The following MEX3D variants were observed in gnomAD, a reference collection of about 807,000 sequenced individuals.
MEX3D encodes mex-3 RNA binding family member D.
MEX3D carries 4 observed loss-of-function variants against 6.3 expected under a neutral mutation model. That is an observed-to-expected ratio of 0.64 (90% confidence interval 0.31 to 1.46). The LOEUF (loss-of-function observed/expected upper bound fraction) is 1.46. Ranked by LOEUF, MEX3D falls within the 40% of genes most tolerant of loss-of-function variation. MEX3D has a pLI of 0.07. For missense variants in MEX3D, 1,038 were observed against 994.4 expected, an observed-to-expected ratio of 1.04 and a Z score of -0.59; for synonymous variants, 626 against 494.1, an observed-to-expected ratio of 1.27 and a Z score of -3.54.
rs1599330332 is a variant in MEX3D, at chr19:1,567,604, G to A, written c.455C>T (p.Pro152Leu). Residue 152 changes from proline to leucine, a missense_variant, in exon 1 of 2, where the codon CCC becomes CTC. Transcript: ENST00000402693. The surrounding 1 kb of genome is among the most constrained non-coding windows in gnomAD (Gnocchi z 6.5). ...CGGGGGCCCCAGGGCCGCGGGGTGGGGCGCGAAGCCCGCGAACACGTCGGG... is the reference window on the plus strand; with the variant it reads ...CGGGGGCCCCAGGGCCGCGGGGTGGAGCGCGAAGCCCGCGAACACGTCGGG... Reference protein sequence around the residue: ...SPPDVFAGFAPHPAALGPPTL... With the variant: ...SPPDVFAGFALHPAALGPPTL... 1.4e-6 allele frequency: 2 copies of A among 1,429,456 alleles called. No individual in the cohort carries two copies. The highest frequency in any genetic ancestry group is 3.0e-5 in the African/African-American group (2 of 66,514). 88.5% of individuals were successfully genotyped at this position (1,429,456 alleles called of 1,614,324 possible). A position where few individuals can be genotyped will look rare whatever the true frequency, so the allele number is the denominator to read the frequency against.
chr19:1,561,540 A>C (rs998639805), intron 1 of MEX3D, among the ~76,000 whole-genome samples: 2 of 151,472 alleles, frequency 1.3e-5, no homozygotes, highest in Non-Finnish European at 2.9e-5. Flanking sequence ...GGATGTCAAA[A>C]CCCCCTCCCA....
Position 1,555,431 on chromosome 19 carries a change from G to GGGCC in MEX3D, c.*131_*132insGGCC. 8.9e-6 allele frequency: 13 copies of GGGCC among 1,453,748 alleles called. No individual in the cohort carries two copies. The highest frequency in any genetic ancestry group is 1.8e-5 in the African/African-American group (1 of 56,994). The allele number at this position is 1,453,748 out of a possible 1,614,324, so 90.1% of individuals were successfully genotyped here. ...AGCTCATCTGTAAACACTGGCCGCCGCCCACCCCCCTGCCCCCTCGGCCTC... is the reference window on the plus strand; with the variant it reads ...AGCTCATCTGTAAACACTGGCCGCCGGGCCCCCACCCCCCTGCCCCCTCGGCCTC... On this transcript the variant is annotated 3_prime_UTR_variant, in exon 2 of 2. Coordinates refer to ENST00000402693, the MANE Select transcript of MEX3D (RefSeq NM_203304.4).
At chr19:1,557,276 G>A (rs759829149) in intron 1 of MEX3D, among the ~76,000 whole-genome samples, 2 of 152,118 alleles carry the variant, frequency 1.3e-5, no homozygotes, top group Non-Finnish European at 2.9e-5. Context: ...AATTTAATAC[G>A]TAGGGTCGGC....
Position 1,556,289 on chromosome 19 carries a change from G to C in MEX3D, c.1230C>G (p.Arg410=). ...CTGGGTCCGGCACGGAGGGGCCGCC[G>C]CGGCTGCCCGCGTAGAAGGCCTCGG... is the stretch of plus-strand genomic sequence containing the variant. ...SAPEAFYAGS[R]GGPSVPDPGP... Residue 410 remains arginine, a synonymous_variant, in exon 2 of 2, where the codon CGC becomes CGG. Transcript: ENST00000402693. The surrounding 1 kb of genome is among the most constrained non-coding windows in gnomAD (Gnocchi z 7.5). 7.8e-7 allele frequency: 1 copy of C among 1,276,734 alleles called. No homozygotes were observed. The allele number at this position is 1,276,734 out of a possible 1,614,324, so 79.1% of individuals were successfully genotyped here.
intron 1 of MEX3D, among the ~76,000 whole-genome samples, chr19:1,558,746 CGACTGCA>C (rs1438445297): frequency 3.3e-5 from 5 of 152,192 alleles, no homozygotes; most frequent in Admixed American, 6.5e-5. Flanking sequence ...GGTCTCGGCC[CGACTGCA>C]GACGCCCGCA....
In MEX3D at chr19:1,567,927, G is replaced by A. The variant is rs1245205171; in HGVS notation, c.132C>T (p.Pro44=). The change falls in exon 1 of 2, where the codon CCC becomes CCT. Residue 44 remains proline (P), a synonymous_variant. Transcript: ENST00000402693. This position sits in a 1 kb window ranked among gnomAD's most constrained non-coding sequence, Gnocchi z 6.5. ...PPPEGAQEAA[P]APRPPPEPDD... ...CGGGTTCGGGCGGCGGCCGGGGCGCGGGCGCGGCCTCCTGGGCGCCCTCGG... is the reference window on the plus strand; with the variant it reads ...CGGGTTCGGGCGGCGGCCGGGGCGCAGGCGCGGCCTCCTGGGCGCCCTCGG... The A allele has an allele frequency of 4.1e-6, 4 of 978,614 alleles. No individual in the cohort carries two copies. The highest frequency in any genetic ancestry group is 3.6e-5 in the African/African-American group (2 of 56,088). 60.6% of individuals were successfully genotyped at this position (978,614 alleles called of 1,614,324 possible). A position where few individuals can be genotyped will look rare whatever the true frequency, so the allele number is the denominator to read the frequency against.
chr19:1,566,808 G>A (rs1914853278), intron 1 of MEX3D, among the ~76,000 whole-genome samples: 2 of 152,108 alleles, frequency 1.3e-5, no homozygotes, highest in African/African-American at 2.4e-5. Flanking sequence ...CGATGCCACC[G>A]CTGGACCCCA....
chr19:1,559,086 C>T (rs959573244), intron 1 of MEX3D, among the ~76,000 whole-genome samples: 1 of 151,808 alleles, frequency 6.6e-6, no homozygotes, highest in Non-Finnish European at 1.5e-5. Context: ...CTCCTGGGCT[C>T]AAGTGATCCT....
chr19:1,560,735 C>T (rs572952550), intron 1 of MEX3D, among the ~76,000 whole-genome samples: 14 of 152,224 alleles, frequency 9.2e-5, no homozygotes, highest in Admixed American at 3.3e-4. Context: ...CAGACGGTGG[C>T]GCTGGGTGGA....
Position 1,555,213 on chromosome 19 carries a change from C to T in MEX3D, c.*350G>A, listed in dbSNP as rs1385597408. The T allele has an allele frequency of 1.9e-6, 2 of 1,045,536 alleles. No homozygotes were observed. The highest frequency in any genetic ancestry group is 1.7e-5 in the African/African-American group (1 of 59,358). The allele number at this position is 1,045,536 out of a possible 1,614,324, so 64.8% of individuals were successfully genotyped here. On this transcript the variant is annotated 3_prime_UTR_variant, in exon 2 of 2. Coordinates refer to ENST00000402693, the MANE Select transcript of MEX3D (RefSeq NM_203304.4). ...AAAAAACGCTGAGCGCTGGAAAAGTCGTGTTTTTTGTTTTGCTTTTTTAAA... is the reference window on the plus strand; with the variant it reads ...AAAAAACGCTGAGCGCTGGAAAAGTTGTGTTTTTTGTTTTGCTTTTTTAAA...
At chr19:1,566,382 C>T (rs1031490354) in intron 1 of MEX3D, among the ~76,000 whole-genome samples, 1 of 152,174 alleles carries the variant, frequency 6.6e-6, no homozygotes, top group Non-Finnish European at 1.5e-5. Flanking sequence ...GGTGGTCCCC[C>T]GCCTGAGGCC....
chr19:1,561,041 G>A (rs1045120614), intron 1 of MEX3D, among the ~76,000 whole-genome samples: 5 of 152,224 alleles, frequency 3.3e-5, no homozygotes, highest in Non-Finnish European at 7.3e-5. Flanking sequence ...CAACTCGGAG[G>A]GCTTGAGATG....
intron 1 of MEX3D, among the ~76,000 whole-genome samples, chr19:1,558,735 A>AGGTCTC (rs1170630760): frequency 1.3e-5 from 2 of 152,218 alleles, no homozygotes; most frequent in African/African-American, 4.8e-5. Flanking sequence ...AGGGGAGCCG[A>AGGTCTC]GGTCTCGGCC....
In MEX3D at chr19:1,567,497, A is replaced by G; in HGVS notation, c.562T>C (p.Ser188Pro). 6.4e-7 allele frequency: 1 copy of G among 1,573,550 alleles called. No homozygotes were observed. The highest frequency in any genetic ancestry group is 2.6e-5 in the East Asian group (1 of 39,188). The change falls in exon 1 of 2, where the codon TCC (serine) becomes CCC (proline). Residue 188 changes from serine to proline, a missense_variant. Physicochemically the swap from Ser to Pro is moderately conservative, Grantham distance 74 (BLOSUM62 -1). This residue lies in a region of MEX3D where 75 missense variants were observed against 125.1 expected (regional missense o/e 0.60). Coordinates refer to ENST00000402693, the MANE Select transcript of MEX3D (RefSeq NM_203304.4). The surrounding 1 kb of genome is among the most constrained non-coding windows in gnomAD (Gnocchi z 6.5). ...NMTECVPVPSSEHVAEIVGRQ... is the reference protein window; with the variant it reads ...NMTECVPVPSPEHVAEIVGRQ... The stretch of plus-strand genomic sequence containing the variant: ...CCCACGATCTCGGCGACGTGCTCGG[A>G]GCTGGGCACCGGGACGCACTCGGTC...
chr19:1,558,411 C>G (rs913807744), intron 1 of MEX3D, among the ~76,000 whole-genome samples: 4 of 151,940 alleles, frequency 2.6e-5, no homozygotes, highest in Admixed American at 6.6e-5. Flanking sequence ...CACAGAGAAG[C>G]TGGCCTTGTG....
Position 1,555,293 on chromosome 19 carries a change from G to T in MEX3D, c.*270C>A. On this transcript the variant is annotated 3_prime_UTR_variant, in exon 2 of 2. Coordinates refer to ENST00000402693, the MANE Select transcript of MEX3D (RefSeq NM_203304.4). ...AATAAGAAAACTAAAAAAAGTGCAA[G>T]CGGACCTTTTCTCTCCGGTTTATTG... The T allele has an allele frequency of 6.4e-7, 1 of 1,567,362 alleles. No homozygotes were observed. The highest frequency in any genetic ancestry group is 8.7e-7 in the Non-Finnish European group (1 of 1,150,910).
rs1353650219 is a variant in MEX3D at position 1,567,503 on chromosome 19, G to A, written c.556C>T (p.Pro186Ser). 1 of 1,572,660 alleles carries A rather than the reference G, an allele frequency of 6.4e-7. No homozygotes were observed. Among genetic ancestry groups the A allele is most frequent in the Non-Finnish European group, 8.6e-7 (1 of 1,160,678 alleles). The change falls in exon 1 of 2, where the codon CCC becomes TCC. Residue 186 changes from proline to serine, a missense_variant. By Grantham distance (74) the Pro-to-Ser change is moderately conservative (BLOSUM62 -1). Transcript: ENST00000402693. The surrounding 1 kb of genome is among the most constrained non-coding windows in gnomAD (Gnocchi z 6.5). Reference protein sequence around the residue: ...SVNMTECVPVPSSEHVAEIVG... With the variant: ...SVNMTECVPVSSSEHVAEIVG... ...ATCTCGGCGACGTGCTCGGAGCTGGGCACCGGGACGCACTCGGTCATGTTG... is the reference window on the plus strand; with the variant it reads ...ATCTCGGCGACGTGCTCGGAGCTGGACACCGGGACGCACTCGGTCATGTTG...
intron 1 of MEX3D, among the ~76,000 whole-genome samples, chr19:1,563,978 A>AT (rs945282980): frequency 8.0e-4 from 114 of 142,728 alleles, no homozygotes; most frequent in Admixed American, 1.9e-3. Context: ...TAATTTTTGT[A>AT]TTTTTTTTTT....
chr19:1,561,489 G>A (rs1468340638), intron 1 of MEX3D, among the ~76,000 whole-genome samples: 1 of 152,210 alleles, frequency 6.6e-6, no homozygotes, highest in Non-Finnish European at 1.5e-5. Context: ...GAGCTGAGGG[G>A]TCTGGTGGGG....
Sources: gnomAD v4.1 joint callset for allele counts (sites outside exome capture counted in the v4.1 genomes callset) on GRCh38, gnomAD v4.1.1 for gene constraint, gnomAD v4.1.1 regional missense constraint, Gnocchi (gnomAD v3.1) non-coding constraint, MANE v1.5 for transcripts, NCBI Gene and HGNC (gene_info 2026-07-23, HGNC 2026-07-21) for gene names.